MARK3: variants seen among roughly 807,000 people sequenced by gnomAD.
MARK3 encodes microtubule affinity regulating kinase 3, also known as MAP/microtubule affinity-regulating kinase 3.
In MARK3, 46 loss-of-function variants were observed where a neutral mutation model predicts 90.1. The ratio of observed to expected loss-of-function variants is 0.51; its 90% CI spans 0.40 to 0.65. The LOEUF is 0.65. Among genes scored for constraint, MARK3 ranks in the 30% least tolerant of loss-of-function variants. MARK3 has a pLI of 0.00. For synonymous variants in MARK3, 321 were observed against 332.6 expected (o/e 0.97, Z 0.38); for missense variants, 818 against 947.2 (o/e 0.86, Z 1.79).
intron 3 of MARK3, among the ~76,000 whole-genome samples, chr14:103,444,788 G>C (rs1292529584): frequency 2.0e-5 from 3 of 151,842 alleles, no homozygotes. Context: ...AAAAAAAAAA[G>C]TAGAAATAAG....
chr14:103,423,409 C>T (rs779676752), intron 2 of MARK3, among the ~76,000 whole-genome samples: 12 of 152,104 alleles, frequency 7.9e-5, no homozygotes, highest in Non-Finnish European at 1.6e-4. Context: ...TTCCACTTTG[C>T]TGCTGGCATC....
chr14:103,388,001 G>A (rs996124235), intron 1 of MARK3, among the ~76,000 whole-genome samples: 20 of 152,096 alleles, frequency 1.3e-4, no homozygotes, highest in Admixed American at 8.5e-4. Flanking sequence ...GCATGATCTC[G>A]GCTCACTGCA....
intron 3 of MARK3, among the ~76,000 whole-genome samples, chr14:103,436,173 G>A (rs1430687685): frequency 6.6e-6 from 1 of 152,050 alleles, no homozygotes; most frequent in Non-Finnish European, 1.5e-5. Context: ...TACAGGTGTG[G>A]CCACCGTGCC....
At chr14:103,482,872 C>T (rs185598497) in intron 14 of MARK3, among the ~76,000 whole-genome samples, 10 of 152,308 alleles carry the variant, frequency 6.6e-5, no homozygotes, top group East Asian at 1.9e-4. Context: ...TGACCTGTCT[C>T]GTTGCTTCTC....
At position 103,475,044 on chromosome 14, in the gene MARK3, G is replaced by C; in HGVS notation, c.1316G>C (p.Ser439Thr). ...GCGTATCCGAAAAGGAGTCAGACCA[G>C]CACTGCAGATAGTGACCTCAAAGAA... ...VVAYPKRSQTSTADSDLKEDG... is the reference protein window; with the variant it reads ...VVAYPKRSQTTTADSDLKEDG... The change falls in exon 13 of 18, where the codon AGC (serine) becomes ACC (threonine). Residue 439 changes from serine to threonine, a missense_variant. Transcript: ENST00000429436. 6.2e-7 allele frequency: 1 copy of C among 1,614,194 alleles called. No individual in the cohort carries two copies. The highest frequency in any genetic ancestry group is 8.5e-7 in the Non-Finnish European group (1 of 1,180,030).
intron 2 of MARK3, chr14:103,412,000 A>C (rs1277490811): frequency 3.2e-6 from 1 of 314,044 alleles, no homozygotes. Flanking sequence ...TTTAGAATTA[A>C]GTTGCCATTT....
At chr14:103,500,100 G>C (rs532221820) in intron 16 of MARK3, 56 bp from the exon 17 acceptor site, 1 of 1,413,920 alleles carries the variant, frequency 7.1e-7, no homozygotes, top group Admixed American at 1.8e-5. Flanking sequence ...GTACTGGCAT[G>C]TAAGATTTCT....
chr14:103,412,866 CTTTTTTTTCTTTCT>C, intron 2 of MARK3: 1 of 303,292 alleles, frequency 3.3e-6, no homozygotes, highest in African/African-American at 2.3e-5. Context: ...GTCTTTCTTT[CTTTTTTTTCTTTCT>C]TTTTTTTTTT....
chr14:103,393,183 ATGT>A (rs1238091368), intron 1 of MARK3, among the ~76,000 whole-genome samples: 1 of 152,018 alleles, frequency 6.6e-6, no homozygotes, highest in Admixed American at 6.6e-5. Flanking sequence ...GGGTTTCACC[ATGT>A]TGGCAGGCTG....
intron 1 of MARK3, among the ~76,000 whole-genome samples, chr14:103,403,345 TGTGTG>T (rs2091083462): frequency 1.3e-5 from 2 of 149,066 alleles, no homozygotes; most frequent in African/African-American, 5.1e-5. Flanking sequence ...TGTGTGTGTG[TGTGTG>T]TGTGTGTGTG....
intron 4 of MARK3, among the ~76,000 whole-genome samples, chr14:103,450,361 A>G (rs1017185171): frequency 6.6e-6 from 1 of 152,182 alleles, no homozygotes; most frequent in Non-Finnish European, 1.5e-5. Context: ...CCACAAAAAA[A>G]CTTTATCACT....
chr14:103,455,725 C>CAAA (rs57129835), intron 5 of MARK3, among the ~76,000 whole-genome samples: 7 of 83,944 alleles, frequency 8.3e-5, no homozygotes, highest in African/African-American at 1.1e-4. Context: ...AACTCTGTCT[C>CAAA]AAAAAAAAAA....
intron 1 of MARK3, among the ~76,000 whole-genome samples, chr14:103,398,357 C>G (rs1368480627): frequency 6.6e-6 from 1 of 152,196 alleles, no homozygotes; most frequent in Admixed American, 6.5e-5. Flanking sequence ...TGCCTTTTCC[C>G]TATCTAACAG....
chr14:103,452,332 C>T (rs1206014584), intron 5 of MARK3, among the ~76,000 whole-genome samples: 2 of 152,024 alleles, frequency 1.3e-5, no homozygotes, highest in African/African-American at 4.8e-5. Flanking sequence ...TTTTCATTTT[C>T]TAACACGAAA....
intron 1 of MARK3, among the ~76,000 whole-genome samples, chr14:103,389,421 A>T (rs934404322): frequency 4.0e-5 from 6 of 148,502 alleles, no homozygotes; most frequent in South Asian, 4.4e-4. Flanking sequence ...CCAGCTACTC[A>T]GGAGGCTGAC....
At chr14:103,490,883 A>T in intron 14 of MARK3, 1 of 1,039,876 alleles carries the variant, frequency 9.6e-7, no homozygotes, top group South Asian at 1.9e-5. Flanking sequence ...CATTACACAC[A>T]GGTTGCTCTG....
At chr14:103,404,898 G>A (rs373887860) in intron 1 of MARK3, among the ~76,000 whole-genome samples, 178 bp from the exon 2 acceptor site, 5 of 152,072 alleles carry the variant, frequency 3.3e-5, no homozygotes, top group Admixed American at 1.3e-4. Context: ...CGTATTTTTC[G>A]TCTCAGAATT....
chr14:103,428,329 T>A, intron 2 of MARK3, 58 bp from the exon 3 acceptor site: 1 of 911,334 alleles, frequency 1.1e-6, no homozygotes, highest in Non-Finnish European at 1.7e-6. Flanking sequence ...ATCTTGGCAT[T>A]TATCAGTCCA....
chr14:103,470,627 T>C (rs905044547), intron 12 of MARK3, among the ~76,000 whole-genome samples: 1 of 151,558 alleles, frequency 6.6e-6, no homozygotes, highest in Admixed American at 6.6e-5. Context: ...AGCTAATTTT[T>C]TTATTTTTAG....
Sources: gnomAD v4.1 joint callset for allele counts (sites outside exome capture counted in the v4.1 genomes callset) on GRCh38, gnomAD v4.1.1 for gene constraint, MANE v1.5 for transcripts, NCBI Gene and HGNC (gene_info 2026-07-23, HGNC 2026-07-21) for gene names.